Variants in ABCA13 observed in about 807,000 individuals in gnomAD.
ABCA13 encodes ATP binding cassette subfamily A member 13.
ABCA13 carries 476 observed loss-of-function variants against 478.7 expected under a neutral mutation model. That is an observed-to-expected ratio of 0.99 (90% CI 0.92 to 1.07). The LOEUF is 1.07. ABCA13 is among the 50% of genes least tolerant of loss of function. The probability of loss-of-function intolerance (pLI) is 0.00; values close to 1 mark genes in which losing one functional copy is unlikely to be tolerated. For missense variants in ABCA13, 6,060 were observed against 5,910.6 expected (o/e 1.03, Z -0.83); for synonymous variants, 2,252 against 2,158.9 (o/e 1.04, Z -1.20).
chr7:48,481,128 C>CT lies in ABCA13; in HGVS notation c.13070dup (p.Leu4357PhefsTer6). 1 of 1,592,060 alleles carries CT rather than the reference C, an allele frequency of 6.3e-7. No homozygotes were observed. Among genetic ancestry groups the CT allele is most frequent in the Non-Finnish European group, 8.6e-7 (1 of 1,168,510 alleles). On this transcript the variant is annotated frameshift_variant, in exon 46 of 62. Coordinates refer to ENST00000435803, the MANE Select transcript of ABCA13 (RefSeq NM_152701.5). LOFTEE classifies it high-confidence loss of function. The stretch of plus-strand genomic sequence containing the variant: ...TCTCAGGCTTCAATATGGAGGAGTA[C>CT]TTGCTGGCACCATCTGAAAAACCAA...
intron 59 of ABCA13, among the ~76,000 whole-genome samples, chr7:48,629,494 A>G (rs1377544709): frequency 6.8e-6 from 1 of 146,458 alleles, no homozygotes; most frequent in African/African-American, 2.5e-5. Flanking sequence ...TTTGTTTCAT[A>G]GTTATCTTAC....
At chr7:48,200,295 AG>A (rs1798489276) in intron 3 of ABCA13, among the ~76,000 whole-genome samples, 1 of 152,192 alleles carries the variant, frequency 6.6e-6, no homozygotes, top group African/African-American at 2.4e-5. Flanking sequence ...TGAACCCAGG[AG>A]GGGGAAGTCG....
intron 3 of ABCA13, among the ~76,000 whole-genome samples, chr7:48,203,011 G>T (rs530142775): frequency 9.2e-4 from 140 of 152,340 alleles, no homozygotes; most frequent in Middle Eastern, 6.8e-3. Flanking sequence ...CCACGGAGGT[G>T]GGGGAAGGCT....
At chr7:48,538,776 G>A (rs1833767536) in intron 55 of ABCA13, among the ~76,000 whole-genome samples, 2 of 152,122 alleles carry the variant, frequency 1.3e-5, no homozygotes, top group Admixed American at 1.3e-4. Flanking sequence ...TTACGCAAGA[G>A]TCTATTCCTA....
At chr7:48,374,201 A>G in intron 33 of ABCA13, 146 bp from the exon 34 acceptor site, 2 of 680,042 alleles carry the variant, frequency 2.9e-6, no homozygotes, top group South Asian at 3.9e-5. Flanking sequence ...AGATCAAAAT[A>G]TTTAAATGAC....
intron 41 of ABCA13, among the ~76,000 whole-genome samples, chr7:48,413,099 A>G (rs1317562875): frequency 6.6e-6 from 1 of 151,452 alleles, no homozygotes; most frequent in Non-Finnish European, 1.5e-5. Context: ...GTGTGAGCCC[A>G]TGCACCCGGC....
intron 44 of ABCA13, among the ~76,000 whole-genome samples, chr7:48,470,381 T>C (rs1225593095): frequency 1.3e-5 from 2 of 152,174 alleles, no homozygotes; most frequent in Non-Finnish European, 2.9e-5. Flanking sequence ...ATATATTAAA[T>C]TATAAACACT....
Position 48,278,517 on chromosome 7 carries a change from G to C in ABCA13, c.7323G>C (p.Leu2441Phe). Residue 2441 changes from leucine to phenylalanine, a missense_variant, in exon 18 of 62, where the codon TTG (leucine) becomes TTC (phenylalanine). By Grantham distance (22) the Leu-to-Phe change is conservative. Around this residue, in one of 3 missense-constraint regions of ABCA13, gnomAD observed 4,423 missense variants for 4,309.1 expected, o/e 1.03. Transcript: ENST00000435803. ...CTCCTAATAAGGACTTCTATGCTTTGTATCCTACCCTCCAAGAAGTTATAC... is the reference window on the plus strand; with the variant it reads ...CTCCTAATAAGGACTTCTATGCTTTCTATCCTACCCTCCAAGAAGTTATAC... Reference protein sequence around the residue: ...LHSPNKDFYALYPTLQEVILA... With the variant: ...LHSPNKDFYAFYPTLQEVILA... 1 of 1,613,862 alleles carries C rather than the reference G, an allele frequency of 6.2e-7. No homozygotes were observed.
In ABCA13 at chr7:48,281,470, C is replaced by G. The variant is rs766014855; in HGVS notation, c.8836+18C>G. 6.4e-7 allele frequency: 1 copy of G among 1,572,218 alleles called. No homozygotes were observed. The highest frequency in any genetic ancestry group is 1.9e-5 in the Admixed American group (1 of 53,668). ...CGTTGCAGGTGGGCTGCTCATATAA[C>G]AAGTGCTCTGCAATTGCCCTGTGCC... On this transcript the variant is annotated intron_variant, in intron 19 of 61. Coordinates refer to ENST00000435803, the MANE Select transcript of ABCA13 (RefSeq NM_152701.5).
intron 19 of ABCA13, among the ~76,000 whole-genome samples, chr7:48,282,982 C>T (rs1797253863): frequency 6.6e-6 from 1 of 152,174 alleles, no homozygotes; most frequent in South Asian, 2.1e-4. Flanking sequence ...CGTCATGTTT[C>T]ACTGGAATTA....
At chr7:48,235,476 A>G (rs1442547636) in intron 8 of ABCA13, among the ~76,000 whole-genome samples, 4 of 152,252 alleles carry the variant, frequency 2.6e-5, no homozygotes, top group Non-Finnish European at 5.9e-5. Flanking sequence ...ACAGAGCTCC[A>G]TGGAAATTGT....
intron 32 of ABCA13, among the ~76,000 whole-genome samples, chr7:48,371,840 T>C (rs1812679936): frequency 6.6e-6 from 1 of 152,204 alleles, no homozygotes; most frequent in African/African-American, 2.4e-5. Flanking sequence ...ATAGGAGTGG[T>C]GAGAGAGGGC....
chr7:48,477,364 A>G (rs1162949953), intron 45 of ABCA13, among the ~76,000 whole-genome samples: 1 of 152,146 alleles, frequency 6.6e-6, no homozygotes, highest in Non-Finnish European at 1.5e-5. Flanking sequence ...TAGAAATACC[A>G]TTTGAGCCAG....
chr7:48,594,649 T>G, intron 57 of ABCA13, 61 bp from the exon 58 acceptor site: 1 of 1,472,892 alleles, frequency 6.8e-7, no homozygotes, highest in East Asian at 2.3e-5. Context: ...TCCCATGTCA[T>G]TGTGTATATT....
intron 42 of ABCA13, among the ~76,000 whole-genome samples, chr7:48,453,354 A>G (rs562942950): frequency 1.3e-5 from 2 of 152,198 alleles, no homozygotes; most frequent in East Asian, 1.9e-4. Flanking sequence ...CCTCATCCTC[A>G]TTAGAACTTT....
chr7:48,591,478 T>C (rs745868521), intron 57 of ABCA13, among the ~76,000 whole-genome samples: 3 of 152,018 alleles, frequency 2.0e-5, no homozygotes, highest in Non-Finnish European at 4.4e-5. Context: ...TTTTTAAATA[T>C]AAATTTCAGT....
At chr7:48,424,324 A>G (rs1821133312) in intron 41 of ABCA13, among the ~76,000 whole-genome samples, 1 of 152,252 alleles carries the variant, frequency 6.6e-6, no homozygotes, top group Non-Finnish European at 1.5e-5. Flanking sequence ...ATTACTTTAA[A>G]AAACTTGAAG....
At chr7:48,643,165 C>T in intron 59 of ABCA13, 123 bp from the exon 60 acceptor site, 1 of 628,128 alleles carries the variant, frequency 1.6e-6, no homozygotes, top group East Asian at 2.6e-5. Flanking sequence ...ATTGAGAATC[C>T]AAACTCCCAA....
At chr7:48,435,201 A>C (rs1450181131) in intron 42 of ABCA13, among the ~76,000 whole-genome samples, 1 of 151,752 alleles carries the variant, frequency 6.6e-6, no homozygotes, top group Non-Finnish European at 1.5e-5. Flanking sequence ...TGTAGTGTTG[A>C]GTGTACAAGT....
Sources: allele counts gnomAD v4.1 joint callset (sites outside exome capture counted in the v4.1 genomes callset), GRCh38; gene constraint gnomAD v4.1.1; regional missense constraint gnomAD v4.1.1; transcripts MANE v1.5; gene names NCBI Gene and HGNC (gene_info 2026-07-23, HGNC 2026-07-21).